BAZ2B: variants seen among roughly 807,000 people sequenced by gnomAD.
BAZ2B encodes bromodomain adjacent to zinc finger domain 2B.
Under a neutral mutation model 246.0 loss-of-function variants are expected in BAZ2B, and 91 were observed. That is an observed-to-expected ratio of 0.37 (90% CI 0.31 to 0.44). BAZ2B has a LOEUF of 0.44. Among genes scored for constraint, BAZ2B ranks in the 20% least tolerant of loss-of-function variants. The pLI, the probability that BAZ2B is intolerant of heterozygous loss-of-function variation, is 1.00. For missense variants in BAZ2B, 2,332 were observed against 2,533.7 expected (o/e 0.92, Z 1.71); for synonymous variants, 855 against 860.0 (o/e 0.99, Z 0.10).
At chr2:159,507,672 G>A (rs527341279) in intron 2 of BAZ2B, among the ~76,000 whole-genome samples, 2 of 152,210 alleles carry the variant, frequency 1.3e-5, no homozygotes, top group South Asian at 4.2e-4. Flanking sequence ...TTCCTACCAT[G>A]AGAAGTAATC....
At chr2:159,709,166 A>G in the BAZ2B span, among the ~76,000 whole-genome samples, 1 of 150,326 alleles carries the variant, frequency 6.7e-6, no homozygotes, top group Admixed American at 6.6e-5. Flanking sequence ...AGAAGCAGGG[A>G]TCCTTGGCCA....
At chr2:159,673,802 T>C in the BAZ2B span, among the ~76,000 whole-genome samples, 1 of 151,934 alleles carries the variant, frequency 6.6e-6, no homozygotes, top group East Asian at 1.9e-4. Flanking sequence ...AATAAGAATA[T>C]ATAATTACAT....
intron 14 of BAZ2B, 134 bp from the exon 15 acceptor site, chr2:159,405,248 G>A (rs768918572): frequency 6.5e-6 from 5 of 774,114 alleles, no homozygotes; most frequent in Non-Finnish European, 9.9e-6. Context: ...GTCTCGCTCT[G>A]TTGCCCAGGC....
chr2:159,502,597 G>A (rs2081961697), intron 2 of BAZ2B, among the ~76,000 whole-genome samples: 1 of 152,094 alleles, frequency 6.6e-6, no homozygotes, highest in Non-Finnish European at 1.5e-5. Context: ...TCGTGACACT[G>A]TACTCCAGCC....
the BAZ2B span, among the ~76,000 whole-genome samples, chr2:159,661,656 A>G: frequency 1.1e-3 from 163 of 152,306 alleles, 1 homozygote; most frequent in African/African-American, 3.7e-3. Flanking sequence ...TGATATCTCA[A>G]TGTGTGAGTG....
At chr2:159,551,254 A>G (rs537329710) in intron 2 of BAZ2B, among the ~76,000 whole-genome samples, 249 of 152,162 alleles carry the variant, frequency 1.6e-3, no homozygotes, top group Admixed American at 2.4e-3. Flanking sequence ...CGGATCACGA[A>G]GTCAGGAGAT....
chr2:159,466,197 A>G (rs1430340507), intron 3 of BAZ2B, among the ~76,000 whole-genome samples: 1 of 152,114 alleles, frequency 6.6e-6, no homozygotes, highest in East Asian at 1.9e-4. Context: ...CAGTAATCTC[A>G]ACTGATCTTT....
chr2:159,348,296 G>A (rs751408406), intron 30 of BAZ2B, among the ~76,000 whole-genome samples: 1 of 135,450 alleles, frequency 7.4e-6, no homozygotes, highest in Admixed American at 7.8e-5. Context: ...CTCCAGCCTA[G>A]GTGACACAGC....
In BAZ2B at chr2:159,606,914, G is replaced by A. The variant is rs535612240; in HGVS notation, c.-46+9328C>T. 5.4e-5 allele frequency among the ~76,000 whole-genome samples: 7 copies of A among 128,566 alleles called. No individual in the cohort carries two copies. In the East Asian group the frequency reaches 1.8e-3, roughly 32 times the overall value. The allele number at this position is 128,566 out of a possible 152,430, so 84.3% of individuals were successfully genotyped here. On this transcript the variant is annotated intron_variant, in intron 1 of 36. Coordinates refer to ENST00000392783, the MANE Select transcript of BAZ2B (RefSeq NM_013450.4). ...TCCTTTTTCATACTCTTTTTTAGTGGGATTTCTATTTTTTTTTTTTTTTGA... is the reference window on the plus strand; with the variant it reads ...TCCTTTTTCATACTCTTTTTTAGTGAGATTTCTATTTTTTTTTTTTTTTGA...
chr2:159,393,302 T>C (rs531360460), intron 20 of BAZ2B, among the ~76,000 whole-genome samples: 75 of 152,274 alleles, frequency 4.9e-4, no homozygotes, highest in Middle Eastern at 3.4e-3. Flanking sequence ...GGCTGCTCTG[T>C]AGAGAATGCA....
intron 2 of BAZ2B, among the ~76,000 whole-genome samples, chr2:159,549,173 C>T (rs1225249825): frequency 6.6e-6 from 1 of 152,052 alleles, no homozygotes; most frequent in Admixed American, 6.6e-5. Context: ...CCCAGCTACT[C>T]AGGAGGCTGA....
At chr2:159,661,953 C>A in the BAZ2B span, among the ~76,000 whole-genome samples, 2 of 152,234 alleles carry the variant, frequency 1.3e-5, no homozygotes, top group South Asian at 4.1e-4. Context: ...TACTCCCTGA[C>A]CACCCCCCAC....
intron 1 of BAZ2B, among the ~76,000 whole-genome samples, chr2:159,583,449 C>G (rs538023925): frequency 6.6e-6 from 1 of 152,280 alleles, no homozygotes; most frequent in African/African-American, 2.4e-5. Flanking sequence ...GAGCAAACAT[C>G]ATGCAAGTCA....
intron 1 of BAZ2B, among the ~76,000 whole-genome samples, chr2:159,577,809 T>C (rs763435791): frequency 4.6e-5 from 7 of 152,172 alleles, no homozygotes; most frequent in Non-Finnish European, 1.0e-4. Flanking sequence ...GCTAAAGAAA[T>C]AGCTAAGAAA....
the BAZ2B span, among the ~76,000 whole-genome samples, chr2:159,639,725 C>T: frequency 2.0e-5 from 3 of 151,364 alleles, no homozygotes; most frequent in African/African-American, 7.3e-5. Context: ...TAAATCATAC[C>T]ACTAGAAAAA....
chr2:159,374,776 T>A, intron 25 of BAZ2B, 23 bp from the exon 26 acceptor site: 2 of 1,593,060 alleles, frequency 1.3e-6, no homozygotes, highest in Non-Finnish European at 1.7e-6. Context: ...AAATACAGTG[T>A]CATTTATCTG....
chr2:159,536,149 C>T (rs1296573107), intron 2 of BAZ2B: 1 of 152,178 alleles, frequency 6.6e-6, no homozygotes, highest in Non-Finnish European at 1.5e-5. Context: ...TAAGTTCCAA[C>T]ACTGAACAGA....
the BAZ2B span, among the ~76,000 whole-genome samples, chr2:159,711,760 T>C: frequency 6.6e-6 from 1 of 152,354 alleles, no homozygotes; most frequent in Admixed American, 6.5e-5. Flanking sequence ...TACAGTTCTT[T>C]GAAAGTTTCA....
intron 1 of BAZ2B, among the ~76,000 whole-genome samples, chr2:159,562,031 G>T (rs1313164138): frequency 6.6e-6 from 1 of 152,100 alleles, no homozygotes; most frequent in Non-Finnish European, 1.5e-5. Flanking sequence ...GGGCAGAATT[G>T]CTTTACTTTG....
Sources: allele counts gnomAD v4.1 joint callset (sites outside exome capture counted in the v4.1 genomes callset), GRCh38; gene constraint gnomAD v4.1.1; transcripts MANE v1.5; gene names NCBI Gene and HGNC (gene_info 2026-07-23, HGNC 2026-07-21).